Variants in STK3 observed in about 807,000 individuals in gnomAD.
STK3 encodes serine/threonine-protein kinase 3.
In STK3, 41 loss-of-function variants were observed where a neutral mutation model predicts 58.0. That is an observed-to-expected ratio of 0.71 (90% CI 0.55 to 0.92). The LOEUF is 0.92. STK3 is among the 40% of genes least tolerant of loss of function. The pLI is 0.00. For synonymous variants in STK3, 170 were observed against 191.0 expected, an observed-to-expected ratio of 0.89 and a Z score of 0.91; for missense variants, 479 against 602.7, an observed-to-expected ratio of 0.79 and a Z score of 2.15.
At chr8:98,528,315 T>C (rs893241163) in intron 9 of STK3, among the ~76,000 whole-genome samples, 3 of 152,156 alleles carry the variant, frequency 2.0e-5, no homozygotes, top group Non-Finnish European at 2.9e-5. Context: ...AATGACTAAA[T>C]AGGAAATAAA....
At chr8:98,551,543 GA>G (rs1811170735) in intron 8 of STK3, among the ~76,000 whole-genome samples, 1 of 152,130 alleles carries the variant, frequency 6.6e-6, no homozygotes, top group Non-Finnish European at 1.5e-5. Context: ...ATAAATGCCT[GA>G]TAGCGAAAGC....
rs150636451 is a variant in STK3 at position 98,703,691 on chromosome 8, C to T, written c.684+2776G>A. ...AGCAGCATCCTTAAATTCCCTATAG[C>T]CCCATCCTTCTAAGACACTCATTCA... On this transcript the variant is annotated intron_variant, in intron 6 of 10. Coordinates refer to ENST00000419617, the MANE Select transcript of STK3 (RefSeq NM_006281.4). Among the ~76,000 whole-genome samples the T allele has an allele frequency of 4.6e-5, 7 of 152,204 alleles. No homozygotes were observed. In the East Asian group the frequency reaches 1.2e-3, roughly 25 times the overall value.
intron 1 of STK3, among the ~76,000 whole-genome samples, chr8:98,930,378 A>G (rs1839963230): frequency 6.6e-6 from 1 of 152,174 alleles, no homozygotes; most frequent in Non-Finnish European, 1.5e-5. Context: ...TGTAATTATA[A>G]AGTATGTGTT....
At chr8:98,750,060 T>G (rs973497979) in intron 3 of STK3, among the ~76,000 whole-genome samples, 3 of 152,016 alleles carry the variant, frequency 2.0e-5, no homozygotes, top group African/African-American at 4.8e-5. Context: ...CTAACCTATC[T>G]CAAAGAGGCA....
rs2131184781 is a variant in STK3 at position 98,721,052 on chromosome 8, T to C, written c.352-13741A>G. ...CAAAACAAATATACCTGTTAATGAA[T>C]TGTAGAAGTAAGCACACTCACCTGG... On this transcript the variant is annotated intron_variant, in intron 4 of 10. Coordinates refer to ENST00000419617, the MANE Select transcript of STK3 (RefSeq NM_006281.4). 7.2e-6 allele frequency: 7 copies of C among 970,824 alleles called. No homozygotes were observed. The South Asian group carries it at 3.3e-4, about 46-fold the overall frequency. The allele number at this position is 970,824 out of a possible 1,614,324, so 60.1% of individuals were successfully genotyped here. A position where few individuals can be genotyped will look rare whatever the true frequency, so the allele number is the denominator to read the frequency against.
chr8:98,918,813 A>T (rs1839442522), intron 1 of STK3, among the ~76,000 whole-genome samples: 1 of 151,516 alleles, frequency 6.6e-6, no homozygotes, highest in South Asian at 2.1e-4. Context: ...GAAAATCTAA[A>T]CCTTTGTTTA....
intron 3 of STK3, among the ~76,000 whole-genome samples, chr8:98,844,333 T>C (rs1431864682): frequency 1.3e-5 from 2 of 151,840 alleles, no homozygotes; most frequent in African/African-American, 4.9e-5. Flanking sequence ...AATTTCATTA[T>C]CTTTGCAATA....
At chr8:98,486,612 G>A (rs951354055) in intron 10 of STK3, among the ~76,000 whole-genome samples, 21 of 152,166 alleles carry the variant, frequency 1.4e-4, no homozygotes, top group Admixed American at 1.4e-3. Context: ...TTTGAATTCT[G>A]GAGTGTGAAA....
At position 98,419,197 on chromosome 8, in the gene STK3, C is replaced by T. The variant is rs376442703; in HGVS notation, n.483+14930G>A. Among the ~76,000 whole-genome samples the T allele has an allele frequency of 2.8e-4, 43 of 152,060 alleles. No individual in the cohort carries two copies. In the East Asian group the frequency reaches 5.6e-3, roughly 20 times the overall value. On this transcript the variant is annotated intron_variant and non_coding_transcript_variant, in intron 3 of 3. Coordinates refer to the STK3 transcript ENST00000517832. ...CCAACATGGTGAAACCCCGTCTCTA[C>T]GAAAAATAAAAAAATTAGCTGGGCG... is the stretch of plus-strand genomic sequence containing the variant.
intron 8 of STK3, among the ~76,000 whole-genome samples, chr8:98,557,291 G>A (rs185298632): frequency 3.9e-5 from 6 of 152,076 alleles, no homozygotes; most frequent in Admixed American, 3.3e-4. Context: ...TCGTACATTT[G>A]CTTGTATGTC....
chr8:98,654,560 G>T (rs1821304230), intron 6 of STK3, among the ~76,000 whole-genome samples: 1 of 152,192 alleles, frequency 6.6e-6, no homozygotes, highest in South Asian at 2.1e-4. Context: ...GTTTGCAGAT[G>T]ACATGATTGG....
chr8:98,818,382 T>C (rs1226193265), intron 1 of STK3, among the ~76,000 whole-genome samples: 2 of 152,210 alleles, frequency 1.3e-5, no homozygotes, highest in Admixed American at 6.5e-5. Flanking sequence ...ATGAATGAAG[T>C]AAAGGCCGAA....
chr8:98,659,053 G>A (rs1433323217), intron 6 of STK3, among the ~76,000 whole-genome samples: 3 of 151,956 alleles, frequency 2.0e-5, no homozygotes, highest in Non-Finnish European at 1.5e-5. Flanking sequence ...GGAGCAATAG[G>A]CTATACCATA....
Position 98,890,962 on chromosome 8 carries a change from C to T in STK3, c.-78-7128G>A, listed in dbSNP as rs550168168. Among the ~76,000 whole-genome samples, 6 of 152,354 alleles carry T rather than the reference C, an allele frequency of 3.9e-5. No individual in the cohort carries two copies. The East Asian group carries it at 1.2e-3, about 29-fold the overall frequency. On this transcript the variant is annotated intron_variant, in intron 1 of 1. Coordinates refer to the STK3 transcript ENST00000519420. ...TGAGCATGGTTATCAATGCCAGTAA[C>T]TAAGAGGCCTAATTTGAAAGATGGT...
intron 10 of STK3, among the ~76,000 whole-genome samples, chr8:98,468,538 C>T (rs535309696): frequency 1.3e-5 from 2 of 152,222 alleles, no homozygotes; most frequent in Non-Finnish European, 2.9e-5. Context: ...GCAAAATCGT[C>T]GCCTGAATGA....
At chr8:98,872,683 A>G (rs992197230) in intron 3 of STK3, among the ~76,000 whole-genome samples, 1 of 152,044 alleles carries the variant, frequency 6.6e-6, no homozygotes, top group African/African-American at 2.4e-5. Context: ...ATTGGTGGTG[A>G]TATCCTCTTT....
chr8:98,560,723 G>A (rs1811944482), intron 8 of STK3, among the ~76,000 whole-genome samples: 1 of 151,974 alleles, frequency 6.6e-6, no homozygotes, highest in Non-Finnish European at 1.5e-5. Flanking sequence ...AACAGCCAAG[G>A]CAATACTGAA....
the STK3 span, among the ~76,000 whole-genome samples, chr8:98,365,477 T>C: frequency 6.6e-6 from 1 of 152,224 alleles, no homozygotes; most frequent in Admixed American, 6.5e-5. Context: ...ACCCCAGGTA[T>C]GCTTATTTTT....
At chr8:98,652,920 C>A (rs1821082549) in intron 6 of STK3, among the ~76,000 whole-genome samples, 1 of 152,168 alleles carries the variant, frequency 6.6e-6, no homozygotes, top group South Asian at 2.1e-4. Flanking sequence ...TTAGACAGAT[C>A]AACCAGACAG....
Sources: gnomAD v4.1 joint callset for allele counts (sites outside exome capture counted in the v4.1 genomes callset) on GRCh38, gnomAD v4.1.1 for gene constraint, MANE v1.5 for transcripts, NCBI Gene and HGNC (gene_info 2026-07-23, HGNC 2026-07-21) for gene names.